PPP4R3B: variants seen among roughly 807,000 people sequenced by gnomAD.
PPP4R3B encodes the protein protein phosphatase 4 regulatory subunit 3B, also known as serine/threonine-protein phosphatase 4 regulatory subunit 3B.
A neutral mutation model predicts 95.4 loss-of-function variants in PPP4R3B; 52 were observed. The observed-to-expected ratio is 0.54, with a 90% CI of 0.44 to 0.69. The LOEUF is 0.69. Ranked by LOEUF, PPP4R3B falls within the 30% of genes least tolerant of loss-of-function variation. The pLI, the probability that PPP4R3B is intolerant of heterozygous loss-of-function variation, is 0.00. For synonymous variants in PPP4R3B, 407 were observed against 343.9 expected, an observed-to-expected ratio of 1.18 and a Z score of -2.03; for missense variants, 1,003 against 1,005.9, an observed-to-expected ratio of 1.00 and a Z score of 0.04.
Position 55,617,192 on chromosome 2 carries a change from C to G in PPP4R3B, c.94G>C (p.Val32Leu). The change falls in exon 1 of 17, where the codon GTG (valine) becomes CTG (leucine). Residue 32 changes from valine (V) to leucine (L), a missense_variant. Val to Leu is a conservative substitution (Grantham distance 32, BLOSUM62 1). Around this residue, in one of 3 missense-constraint regions of PPP4R3B, gnomAD observed 695 missense variants for 686.2 expected, o/e 1.01. Coordinates refer to ENST00000616407, the MANE Select transcript of PPP4R3B (RefSeq NM_001122964.3). ...RGTGHVSSTY[V>L]EELKGMSLLV... ...AGCGACATCCCCTTGAGCTCCTCCA[C>G]GTAAGTGGAGGAGACGTGCCCGGTG... is the stretch of plus-strand genomic sequence containing the variant. The G allele has an allele frequency of 6.2e-7, 1 of 1,614,014 alleles. No homozygotes were observed. The highest frequency in any genetic ancestry group is 8.5e-7 in the Non-Finnish European group (1 of 1,179,928).
At chr2:55,589,094 CTG>C (rs1229919291) in intron 4 of PPP4R3B, 138 bp from the exon 5 acceptor site, 15 of 560,046 alleles carry the variant, frequency 2.7e-5, no homozygotes, top group African/African-American at 1.7e-4. Context: ...GGGTGTATTT[CTG>C]TGTTACAATT....
chr2:55,570,152 C>T (rs562252220), intron 12 of PPP4R3B, among the ~76,000 whole-genome samples: 9 of 152,144 alleles, frequency 5.9e-5, no homozygotes, highest in African/African-American at 1.9e-4. Flanking sequence ...CGGGAGGCTG[C>T]GGCAGGAGAA....
chr2:55,595,479 A>T (rs571104529), intron 4 of PPP4R3B, among the ~76,000 whole-genome samples: 1 of 151,884 alleles, frequency 6.6e-6, no homozygotes, highest in South Asian at 2.1e-4. Context: ...AATAAAATAA[A>T]TTTTTAAAAA....
chr2:55,587,829 T>C (rs560984905), intron 5 of PPP4R3B, among the ~76,000 whole-genome samples: 13 of 152,306 alleles, frequency 8.5e-5, no homozygotes, highest in African/African-American at 3.1e-4. Flanking sequence ...ACCAATATTA[T>C]AATTGAGAAA....
intron 12 of PPP4R3B, among the ~76,000 whole-genome samples, chr2:55,570,527 G>C (rs573409352): frequency 6.6e-6 from 1 of 152,264 alleles, no homozygotes; most frequent in South Asian, 2.1e-4. Flanking sequence ...GGAACAGGAA[G>C]GACTATAATT....
At chr2:55,555,876 G>A (rs1365785319) in intron 16 of PPP4R3B, among the ~76,000 whole-genome samples, 2 of 152,146 alleles carry the variant, frequency 1.3e-5, no homozygotes, top group Non-Finnish European at 2.9e-5. Flanking sequence ...AATCTGTGAC[G>A]TGTTTATTTT....
At chr2:55,574,836 C>A (rs1445718280) in intron 11 of PPP4R3B, among the ~76,000 whole-genome samples, 1 of 151,654 alleles carries the variant, frequency 6.6e-6, no homozygotes, top group Non-Finnish European at 1.5e-5. Context: ...CCTCGTGATC[C>A]ACCCGCTTCA....
At chr2:55,599,206 G>A (rs1692216307) in intron 3 of PPP4R3B, among the ~76,000 whole-genome samples, 167 bp from the exon 4 acceptor site, 1 of 152,222 alleles carries the variant, frequency 6.6e-6, no homozygotes, top group African/African-American at 2.4e-5. Flanking sequence ...AGGTGGCTGA[G>A]GCAGGCAGGT....
Position 55,599,166 on chromosome 2 carries a change from G to A in PPP4R3B, c.298-127C>T, listed in dbSNP as rs371155358. The stretch of plus-strand genomic sequence containing the variant: ...TAAAAGTGAAGTCTAGGCCAGGCAC[G>A]GTGGCTCACGCCTGTAATCCCAGCA... On this transcript the variant is annotated intron_variant, in intron 3 of 16. Coordinates refer to ENST00000616407, the MANE Select transcript of PPP4R3B (RefSeq NM_001122964.3). 983 of 868,322 alleles carry A rather than the reference G, an allele frequency of 1.1e-3. 23 individuals carry two copies. In the South Asian group the frequency reaches 0.017, roughly 15 times the overall value. The allele number at this position is 868,322 out of a possible 1,614,324, so 53.8% of individuals were successfully genotyped here. A position where few individuals can be genotyped will look rare whatever the true frequency, so the allele number is the denominator to read the frequency against.
In PPP4R3B at chr2:55,586,473, TCTGAAA is replaced by T. The variant is rs1041485227; in HGVS notation, c.1116+139_1116+144del. 3 of 510,002 alleles carry T rather than the reference TCTGAAA, an allele frequency of 5.9e-6. No homozygotes were observed. The African/African-American group carries it at 5.9e-5, about 10-fold the overall frequency. The allele number at this position is 510,002 out of a possible 1,614,324, so 31.6% of individuals were successfully genotyped here. ...ACTGATATTAAAAATTAAATAAAAA[TCTGAAA>T]CTGAAGATATTCTTGTAATTCAATT... On this transcript the variant is annotated intron_variant, in intron 6 of 16. Coordinates refer to ENST00000616407, the MANE Select transcript of PPP4R3B (RefSeq NM_001122964.3).
chr2:55,548,292 T>C lies in PPP4R3B; in HGVS notation c.*1619A>G, dbSNP rs1213006576. ...AATAAATATTTATGGATAATTTTAT[T>C]GGCTTTTAAAAGATACTGTAAAATT... On this transcript the variant is annotated 3_prime_UTR_variant, in exon 17 of 17. Coordinates refer to ENST00000616407, the MANE Select transcript of PPP4R3B (RefSeq NM_001122964.3). The C allele has an allele frequency of 6.6e-6, 1 of 152,654 alleles. No homozygotes were observed. Among genetic ancestry groups the C allele is most frequent in the Non-Finnish European group, 1.5e-5 (1 of 68,036 alleles). 9.5% of individuals were successfully genotyped at this position (152,654 alleles called of 1,614,324 possible).
chr2:55,599,123 T>C lies in PPP4R3B; in HGVS notation c.298-84A>G, dbSNP rs1234882572. 4 of 1,255,906 alleles carry C rather than the reference T, an allele frequency of 3.2e-6. No homozygotes were observed. The African/African-American group carries it at 6.0e-5, about 19-fold the overall frequency. The allele number at this position is 1,255,906 out of a possible 1,614,324, so 77.8% of individuals were successfully genotyped here. A position where few individuals can be genotyped will look rare whatever the true frequency, so the allele number is the denominator to read the frequency against. ...GGAAATCAAATCATTTGGAAATGCC[T>C]GGCTAGTCACTACTAATTAAAAGTG... On this transcript the variant is annotated intron_variant, in intron 3 of 16. Transcript: ENST00000616407.
At chr2:55,602,851 G>T (rs1396930877) in intron 3 of PPP4R3B, among the ~76,000 whole-genome samples, 1 of 152,086 alleles carries the variant, frequency 6.6e-6, no homozygotes. Context: ...AATTCTGTGA[G>T]TCTTTCCAGT....
chr2:55,549,763 C>A lies in PPP4R3B; in HGVS notation c.*148G>T. On this transcript the variant is annotated 3_prime_UTR_variant, in exon 17 of 17. Coordinates refer to ENST00000616407, the MANE Select transcript of PPP4R3B (RefSeq NM_001122964.3). ...CTGGGAAGCCTGATTTTTATTAGAA[C>A]TAAACTCTCTTAGCTGATATACTGT... The A allele has an allele frequency of 1.6e-6, 1 of 624,958 alleles. No individual in the cohort carries two copies. The highest frequency in any genetic ancestry group is 2.7e-6 in the Non-Finnish European group (1 of 364,536). 38.7% of individuals were successfully genotyped at this position (624,958 alleles called of 1,614,324 possible). A position where few individuals can be genotyped will look rare whatever the true frequency, so the allele number is the denominator to read the frequency against.
intron 7 of PPP4R3B, among the ~76,000 whole-genome samples, chr2:55,583,309 T>A (rs906614018): frequency 6.6e-6 from 1 of 152,086 alleles, no homozygotes; most frequent in Admixed American, 6.6e-5. Flanking sequence ...GTTTTAAAAA[T>A]GTAAAATTGT....
chr2:55,600,361 G>C (rs1472324357), intron 3 of PPP4R3B, among the ~76,000 whole-genome samples: 1 of 137,202 alleles, frequency 7.3e-6, no homozygotes, highest in Non-Finnish European at 1.5e-5. Context: ...GGGAGGCGGA[G>C]GTTGCAGTGA....
chr2:55,617,251 G>T lies in PPP4R3B; in HGVS notation c.35C>A (p.Thr12Asn). ...SDTRRRVKVYTLNEDRQWDDR... is the reference protein window; with the variant it reads ...SDTRRRVKVYNLNEDRQWDDR... ...GTCCCATTGCCGGTCTTCGTTCAGG[G>T]TATAGACCTTCACTCGCCGCCGCGT... Residue 12 changes from threonine (T) to asparagine (N), a missense_variant, in exon 1 of 17, where the codon ACC becomes AAC. Physicochemically the swap from Thr to Asn is moderately conservative, Grantham distance 65. Around this residue, in one of 3 missense-constraint regions of PPP4R3B, gnomAD observed 695 missense variants for 686.2 expected, o/e 1.01. Transcript: ENST00000616407. The T allele has an allele frequency of 6.2e-7, 1 of 1,609,632 alleles. No individual in the cohort carries two copies. The highest frequency in any genetic ancestry group is 1.1e-5 in the South Asian group (1 of 90,884).
Position 55,547,970 on chromosome 2 carries a change from G to A in PPP4R3B, c.*1941C>T, listed in dbSNP as rs1181969254. On this transcript the variant is annotated 3_prime_UTR_variant, in exon 17 of 17. Coordinates refer to ENST00000616407, the MANE Select transcript of PPP4R3B (RefSeq NM_001122964.3). ...TTTACATGTGGGCTTATTTTAAGAAGAAATTTACTAAAAGCTGAGAGATGG... is the reference window on the plus strand; with the variant it reads ...TTTACATGTGGGCTTATTTTAAGAAAAAATTTACTAAAAGCTGAGAGATGG... The A allele has an allele frequency of 6.6e-6, 1 of 152,186 alleles. No homozygotes were observed. The highest frequency in any genetic ancestry group is 1.5e-5 in the Non-Finnish European group (1 of 68,022). The allele number at this position is 152,186 out of a possible 1,614,324, so 9.4% of individuals were successfully genotyped here.
chr2:55,603,994 C>A lies in PPP4R3B; in HGVS notation c.281G>T (p.Trp94Leu). ...FQEKAGCDEIWEKICQVQGKD... is the reference protein window; with the variant it reads ...FQEKAGCDEILEKICQVQGKD... Reference sequence around the variant, plus strand: ...GAAACTTACCTGACAAATTTTTTCCCAGATCTCATCACAGCCAGCTTTCTC... The same window carrying A: ...GAAACTTACCTGACAAATTTTTTCCAAGATCTCATCACAGCCAGCTTTCTC... The change falls in exon 3 of 17, where the codon TGG becomes TTG. Residue 94 changes from tryptophan to leucine, a missense_variant. Coordinates refer to ENST00000616407, the MANE Select transcript of PPP4R3B (RefSeq NM_001122964.3). 1 of 1,604,488 alleles carries A rather than the reference C, an allele frequency of 6.2e-7. No individual in the cohort carries two copies. The highest frequency in any genetic ancestry group is 8.5e-7 in the Non-Finnish European group (1 of 1,177,000).
Sources: allele counts gnomAD v4.1 joint callset (sites outside exome capture counted in the v4.1 genomes callset), GRCh38; gene constraint gnomAD v4.1.1; regional missense constraint gnomAD v4.1.1; transcripts MANE v1.5; gene names NCBI Gene and HGNC (gene_info 2026-07-23, HGNC 2026-07-21).